The following SEC24D variants were observed in gnomAD, a reference collection of about 807,000 sequenced individuals.
The protein encoded by SEC24D is SEC24 homolog D, COPII component.
Under a neutral mutation model 116.9 loss-of-function variants are expected in SEC24D, and 69 were observed. The observed-to-expected ratio is 0.59, with a 90% CI of 0.49 to 0.72. The LOEUF (loss-of-function observed/expected upper bound fraction) is 0.72. Among genes scored for constraint, SEC24D ranks in the 30% least tolerant of loss-of-function variants. SEC24D has a pLI of 0.00. For synonymous variants in SEC24D, 405 were observed against 442.8 expected, an observed-to-expected ratio of 0.91 and a Z score of 1.07; for missense variants, 1,131 against 1,264.1, an observed-to-expected ratio of 0.89 and a Z score of 1.60.
chr4:118,779,239 T>C (rs193071235), intron 8 of SEC24D, among the ~76,000 whole-genome samples: 10,402 of 152,244 alleles, frequency 0.068, 498 homozygotes, highest in Non-Finnish European at 0.1. Context: ...GGCTGTGGGT[T>C]TGTCATGAAT....
intron 8 of SEC24D, among the ~76,000 whole-genome samples, chr4:118,793,189 C>T (rs1201117389): frequency 1.3e-5 from 2 of 152,128 alleles, no homozygotes; most frequent in Admixed American, 6.5e-5. Flanking sequence ...AAGGCCCGGC[C>T]GGGCGCGGTG....
At chr4:118,820,216 T>A (rs1050468311) in intron 3 of SEC24D, among the ~76,000 whole-genome samples, 1 of 150,794 alleles carries the variant, frequency 6.6e-6, no homozygotes, top group Non-Finnish European at 1.5e-5. Flanking sequence ...GTTTCGCTCT[T>A]GTCGCCCAGG....
chr4:118,803,492 G>C (rs1261612601), intron 7 of SEC24D, among the ~76,000 whole-genome samples: 3 of 152,158 alleles, frequency 2.0e-5, no homozygotes, highest in Non-Finnish European at 4.4e-5. Flanking sequence ...GGGCAAGACA[G>C]GCTGGGTCAG....
At chr4:118,757,170 A>AG (rs778785041) in intron 11 of SEC24D, among the ~76,000 whole-genome samples, 21 of 152,174 alleles carry the variant, frequency 1.4e-4, no homozygotes, top group Non-Finnish European at 4.4e-5. Flanking sequence ...TATTAGAATT[A>AG]GTTTTTCGCC....
Position 118,774,410 on chromosome 4 carries a change from G to A in SEC24D, c.1042-6099C>T, listed in dbSNP as rs559094691. Among the ~76,000 whole-genome samples, 34 of 152,214 alleles carry A rather than the reference G, an allele frequency of 2.2e-4. 1 individual carries two copies. Among genetic ancestry groups the A allele is most frequent in the African/African-American group, 7.7e-4 (32 of 41,538 alleles). On this transcript the variant is annotated intron_variant, in intron 8 of 22. Transcript: ENST00000280551. ...CTTTATGATCTTATGGTCACTTGTA[G>A]TTTAAAATGTTCTCATTTATAAAAT...
At chr4:118,777,660 G>C (rs1453430945) in intron 8 of SEC24D, among the ~76,000 whole-genome samples, 1 of 152,170 alleles carries the variant, frequency 6.6e-6, no homozygotes, top group African/African-American at 2.4e-5. Context: ...GGTATTTCTA[G>C]TTCTAGATCC....
At chr4:118,779,067 C>T (rs1004657995) in intron 8 of SEC24D, among the ~76,000 whole-genome samples, 2 of 152,148 alleles carry the variant, frequency 1.3e-5, no homozygotes, top group Non-Finnish European at 2.9e-5. Flanking sequence ...ATTTGACTTC[C>T]TCTTTTCCTA....
chr4:118,816,644 T>C (rs1273606689), intron 4 of SEC24D: 1 of 285,430 alleles, frequency 3.5e-6, no homozygotes, highest in Non-Finnish European at 6.9e-6. Flanking sequence ...GGGGTTTTAA[T>C]GATACTTCAG....
At chr4:118,805,263 C>A (rs1258339237) in intron 7 of SEC24D, among the ~76,000 whole-genome samples, 1 of 152,114 alleles carries the variant, frequency 6.6e-6, no homozygotes, top group Non-Finnish European at 1.5e-5. Flanking sequence ...GTACATGATC[C>A]ATTAAAATGG....
intron 8 of SEC24D, among the ~76,000 whole-genome samples, chr4:118,787,155 G>C (rs1442640268): frequency 6.6e-6 from 1 of 152,146 alleles, no homozygotes; most frequent in Non-Finnish European, 1.5e-5. Flanking sequence ...TATATAAACA[G>C]TGACCAAAAA....
Position 118,815,745 on chromosome 4 carries a change from C to CA in SEC24D, c.398-20dup, listed in dbSNP as rs1210785284. The CA allele has an allele frequency of 1.9e-6, 3 of 1,611,512 alleles. No individual in the cohort carries two copies. The highest frequency in any genetic ancestry group is 2.5e-6 in the Non-Finnish European group (3 of 1,178,832). On this transcript the variant is annotated intron_variant, in intron 4 of 22. Coordinates refer to ENST00000280551, the MANE Select transcript of SEC24D (RefSeq NM_014822.4). Reference sequence around the variant, plus strand: ...CCTGAACCTGTGTGAGAAAGGAGACCAGCCCACTTAAATACCACATTTCTC... The same window carrying CA: ...CCTGAACCTGTGTGAGAAAGGAGACCAAGCCCACTTAAATACCACATTTCTC...
intron 8 of SEC24D, among the ~76,000 whole-genome samples, chr4:118,782,394 C>T (rs1269759416): frequency 1.3e-5 from 2 of 152,174 alleles, no homozygotes; most frequent in Non-Finnish European, 2.9e-5. Flanking sequence ...ACCCTGTTTG[C>T]CTGGGTATCA....
intron 8 of SEC24D, among the ~76,000 whole-genome samples, chr4:118,772,041 C>G (rs1049199794): frequency 3.3e-5 from 5 of 152,106 alleles, no homozygotes; most frequent in Admixed American, 3.3e-4. Context: ...CCAAAACAAA[C>G]ACAGATGCTC....
intron 1 of SEC24D, 97 bp from the exon 2 acceptor site, chr4:118,833,834 T>G (rs1578488561): frequency 1.6e-6 from 1 of 611,924 alleles, no homozygotes; most frequent in East Asian, 2.9e-5. Context: ...TATGATGGTT[T>G]GAGGAAAAGT....
At position 118,832,588 on chromosome 4, in the gene SEC24D, G is replaced by A. The variant is rs1447823363; in HGVS notation, c.118+991C>T. 2.0e-5 allele frequency among the ~76,000 whole-genome samples: 3 copies of A among 152,138 alleles called. No individual in the cohort carries two copies. In the East Asian group the frequency reaches 5.8e-4, roughly 29 times the overall value. On this transcript the variant is annotated intron_variant, in intron 2 of 22. Transcript: ENST00000280551. ...TGTTTTTTGCCTTCTTGAGAGATCTGGGTATGAATCCTGGTGCTACTACTT... is the reference window on the plus strand; with the variant it reads ...TGTTTTTTGCCTTCTTGAGAGATCTAGGTATGAATCCTGGTGCTACTACTT...
chr4:118,808,845 T>C (rs909140947), intron 6 of SEC24D, among the ~76,000 whole-genome samples: 1 of 152,116 alleles, frequency 6.6e-6, no homozygotes, highest in Non-Finnish European at 1.5e-5. Flanking sequence ...AAAAAGAAAG[T>C]GATTATCTTG....
chr4:118,810,399 A>AACTAAATAT lies in SEC24D; in HGVS notation c.802-4454_802-4446dup, dbSNP rs1729870380. 2.0e-5 allele frequency among the ~76,000 whole-genome samples: 3 copies of AACTAAATAT among 152,250 alleles called. No individual in the cohort carries two copies. The South Asian group carries it at 6.2e-4, about 32-fold the overall frequency. On this transcript the variant is annotated intron_variant, in intron 6 of 22. Coordinates refer to ENST00000280551, the MANE Select transcript of SEC24D (RefSeq NM_014822.4). ...GTAGGACCAAGAGAATTAGCTAAAGAACTAAATATGAGATGTGCAAGAAAG... is the reference window on the plus strand; with the variant it reads ...GTAGGACCAAGAGAATTAGCTAAAGAACTAAATATACTAAATATGAGATGTGCAAGAAAG...
Position 118,815,132 on chromosome 4 carries a change from C to G in SEC24D, c.697G>C (p.Gly233Arg), listed in dbSNP as rs730882211. The G allele has an allele frequency of 4.3e-6, 7 of 1,614,126 alleles. No individual in the cohort carries two copies. The Middle Eastern group carries it at 1.2e-3, about 267-fold the overall frequency. ...QQANSGPQMAGAQLSYPGGFP... is the reference protein window; with the variant it reads ...QQANSGPQMARAQLSYPGGFP... ...CCTCCTGGGTAAGACAGTTGTGCGC[C>G]TGCCATCTGGGGACCAGAGTTGGCT... The change falls in exon 6 of 23, where the codon GGC (glycine) becomes CGC (arginine). Residue 233 changes from glycine to arginine, a missense_variant. Coordinates refer to ENST00000280551, the MANE Select transcript of SEC24D (RefSeq NM_014822.4).
At chr4:118,807,243 C>T (rs1313851166) in intron 6 of SEC24D, among the ~76,000 whole-genome samples, 2 of 152,144 alleles carry the variant, frequency 1.3e-5, no homozygotes, top group Non-Finnish European at 2.9e-5. Flanking sequence ...CAGCAAAAGT[C>T]TCTTAAGTTC....
Sources: allele counts gnomAD v4.1 joint callset (sites outside exome capture counted in the v4.1 genomes callset), GRCh38; gene constraint gnomAD v4.1.1; transcripts MANE v1.5; gene names NCBI Gene and HGNC (gene_info 2026-07-23, HGNC 2026-07-21).